Variants in ZNF385D observed in about 807,000 individuals in gnomAD.
ZNF385D encodes the protein zinc finger protein 385D.
Under a neutral mutation model 35.8 loss-of-function variants are expected in ZNF385D, and 15 were observed. The observed-to-expected ratio is 0.42, with a 90% confidence interval of 0.28 to 0.64. ZNF385D has a LOEUF of 0.64. Among genes scored for constraint, ZNF385D ranks in the 30% least tolerant of loss-of-function variants. ZNF385D has a pLI of 0.23. For missense variants in ZNF385D, 474 were observed against 494.6 expected, an observed-to-expected ratio of 0.96 and a Z score of 0.39; for synonymous variants, 212 against 186.8, an observed-to-expected ratio of 1.13 and a Z score of -1.10.
intron 2 of ZNF385D, among the ~76,000 whole-genome samples, chr3:22,320,909 A>C (rs984986082): frequency 5.9e-5 from 9 of 151,840 alleles, no homozygotes; most frequent in African/African-American, 2.2e-4. Flanking sequence ...TATACTTTTT[A>C]ATTGCTTAGA....
At chr3:22,010,450 T>C (rs73137136) in intron 3 of ZNF385D, among the ~76,000 whole-genome samples, 5,314 of 152,310 alleles carry the variant, frequency 0.035, 314 homozygotes, top group African/African-American at 0.12. Context: ...CCTCTAAATG[T>C]TGGAGTTTAT....
intron 2 of ZNF385D, among the ~76,000 whole-genome samples, chr3:22,365,493 ATTT>A (rs869250677): frequency 4.0e-5 from 6 of 151,520 alleles, no homozygotes; most frequent in African/African-American, 1.5e-4. Flanking sequence ...TCTAAAAAAA[ATTT>A]TTTTTTGTTT....
At chr3:21,653,614 A>T (rs898034894) in intron 2 of ZNF385D, among the ~76,000 whole-genome samples, 1 of 152,092 alleles carries the variant, frequency 6.6e-6, no homozygotes, top group Non-Finnish European at 1.5e-5. Flanking sequence ...CTTGAAGCTC[A>T]AAATAATTAT....
At chr3:21,976,259 T>G (rs566052456) in intron 3 of ZNF385D, among the ~76,000 whole-genome samples, 1 of 152,146 alleles carries the variant, frequency 6.6e-6, no homozygotes, top group East Asian at 1.9e-4. Context: ...TTTAGAGATA[T>G]TAAGTAATAG....
intron 3 of ZNF385D, among the ~76,000 whole-genome samples, chr3:21,822,580 T>G (rs1383619453): frequency 1.3e-5 from 2 of 149,928 alleles, no homozygotes; most frequent in Non-Finnish European, 3.0e-5. Context: ...GTAGTAGGTA[T>G]ATACTACATA....
At chr3:21,639,888 G>C (rs1353502716) in intron 2 of ZNF385D, among the ~76,000 whole-genome samples, 1 of 151,814 alleles carries the variant, frequency 6.6e-6, no homozygotes, top group African/African-American at 2.4e-5. Flanking sequence ...TTGTAGTCCA[G>C]AAAAAAGAAA....
intron 3 of ZNF385D, among the ~76,000 whole-genome samples, chr3:22,000,348 T>A (rs1695760397): frequency 6.6e-6 from 1 of 151,644 alleles, no homozygotes; most frequent in Admixed American, 6.6e-5. Flanking sequence ...AGTTAAACCG[T>A]CAAAGTGACC....
intron 2 of ZNF385D, among the ~76,000 whole-genome samples, chr3:21,588,160 T>C (rs540390686): frequency 4.1e-4 from 62 of 152,238 alleles, no homozygotes; most frequent in Non-Finnish European, 7.1e-4. Flanking sequence ...TTATGATAAT[T>C]GCTGTAAAAC....
intron 3 of ZNF385D, among the ~76,000 whole-genome samples, chr3:21,898,769 T>C (rs1699262106): frequency 6.6e-6 from 1 of 152,128 alleles, no homozygotes; most frequent in African/African-American, 2.4e-5. Context: ...TCCCTGATCT[T>C]ATAATCTTTC....
intron 2 of ZNF385D, among the ~76,000 whole-genome samples, chr3:22,221,194 C>G (rs909215099): frequency 4.6e-5 from 7 of 151,968 alleles, no homozygotes; most frequent in African/African-American, 1.4e-4. Context: ...TACCTACACA[C>G]AGATACATGT....
At chr3:21,968,448 C>T (rs1331469386) in intron 3 of ZNF385D, among the ~76,000 whole-genome samples, 2 of 152,088 alleles carry the variant, frequency 1.3e-5, no homozygotes, top group Middle Eastern at 3.2e-3. Flanking sequence ...CAAGGGAGTG[C>T]TTGAGTCATC....
chr3:21,740,798 G>A (rs1205377480), intron 1 of ZNF385D, among the ~76,000 whole-genome samples: 2 of 151,700 alleles, frequency 1.3e-5, no homozygotes, highest in Admixed American at 1.3e-4. Context: ...CTGTAAAATG[G>A]TTAAAATTTC....
intron 2 of ZNF385D, among the ~76,000 whole-genome samples, chr3:21,587,381 G>A (rs934457589): frequency 1.3e-5 from 2 of 152,120 alleles, no homozygotes; most frequent in African/African-American, 4.8e-5. Context: ...CTGAAGGAGA[G>A]ACTGGGGACA....
intron 4 of ZNF385D, among the ~76,000 whole-genome samples, chr3:21,494,109 A>G (rs193210937): frequency 6.6e-6 from 1 of 152,290 alleles, no homozygotes; most frequent in Admixed American, 6.5e-5. Context: ...AAAATTATCT[A>G]CTATAAATTT....
intron 3 of ZNF385D, among the ~76,000 whole-genome samples, chr3:21,996,416 G>A (rs367625656): frequency 9.2e-5 from 14 of 152,144 alleles, no homozygotes; most frequent in African/African-American, 2.2e-4. Flanking sequence ...GTCACTCCTC[G>A]GCTAAATTTC....
At chr3:22,103,490 C>G (rs1418497622) in intron 3 of ZNF385D, among the ~76,000 whole-genome samples, 3 of 152,124 alleles carry the variant, frequency 2.0e-5, no homozygotes, top group Non-Finnish European at 4.4e-5. Flanking sequence ...CTTGTGTTCT[C>G]AAGCTACCTC....
At position 21,738,527 on chromosome 3, in the gene ZNF385D, G is replaced by C. The variant is rs145071850; in HGVS notation, c.22+12368C>G. Among the ~76,000 whole-genome samples, 8 of 152,286 alleles carry C rather than the reference G, an allele frequency of 5.3e-5. No homozygotes were observed. The East Asian group carries it at 1.4e-3, about 26-fold the overall frequency. On this transcript the variant is annotated intron_variant, in intron 1 of 7. Transcript: ENST00000281523. ...AGTTACACCTCTGCCTTGTGAAGTA[G>C]GGTGAGTTGCCATTATTATCTCAAC...
chr3:21,572,863 G>A (rs1179198920), intron 2 of ZNF385D, among the ~76,000 whole-genome samples: 1 of 152,088 alleles, frequency 6.6e-6, no homozygotes, highest in Non-Finnish European at 1.5e-5. Context: ...AACTTAAAGT[G>A]GGTACTTAGA....
At chr3:22,207,365 G>A (rs148280046) in intron 2 of ZNF385D, among the ~76,000 whole-genome samples, 1 of 151,870 alleles carries the variant, frequency 6.6e-6, no homozygotes, top group Non-Finnish European at 1.5e-5. Context: ...TCAGTAAATG[G>A]TGCTATGAAA....
Sources: allele counts gnomAD v4.1 joint callset (sites outside exome capture counted in the v4.1 genomes callset), GRCh38; gene constraint gnomAD v4.1.1; transcripts MANE v1.5; gene names NCBI Gene and HGNC (gene_info 2026-07-23, HGNC 2026-07-21).